Variants in EPB41 observed in about 807,000 individuals in gnomAD.
EPB41 encodes the protein protein 4.1.
Under a neutral mutation model 108.0 loss-of-function variants are expected in EPB41, and 65 were observed. The ratio of observed to expected loss-of-function variants is 0.60; its 90% CI spans 0.49 to 0.74. The LOEUF (loss-of-function observed/expected upper bound fraction) is 0.74. EPB41 is among the 30% of genes least tolerant of loss of function. The pLI, the probability that EPB41 is intolerant of heterozygous loss-of-function variation, is 0.00. For missense variants in EPB41, 875 were observed against 1,037.0 expected, an observed-to-expected ratio of 0.84 and a Z score of 2.15; for synonymous variants, 336 against 358.9, an observed-to-expected ratio of 0.94 and a Z score of 0.72.
chr1:28,923,672 T>G (rs1373342343), intron 1 of EPB41, among the ~76,000 whole-genome samples: 4 of 152,188 alleles, frequency 2.6e-5, no homozygotes, highest in Admixed American at 2.6e-4. Context: ...TGGACACTGG[T>G]TAACAAGATA....
At chr1:28,962,141 A>G (rs144990640) in intron 1 of EPB41, among the ~76,000 whole-genome samples, 167 of 151,098 alleles carry the variant, frequency 1.1e-3, no homozygotes, top group African/African-American at 3.9e-3. Context: ...GCTCACTACA[A>G]CCTCCGCCTC....
At chr1:29,105,716 A>G (rs930390541) in intron 17 of EPB41, among the ~76,000 whole-genome samples, 2 of 150,234 alleles carry the variant, frequency 1.3e-5, no homozygotes, top group African/African-American at 2.4e-5. Flanking sequence ...ATATTAATAA[A>G]GCTGCTATGA....
At chr1:29,007,446 T>C (rs546138897) in intron 4 of EPB41, among the ~76,000 whole-genome samples, 1 of 152,344 alleles carries the variant, frequency 6.6e-6, no homozygotes, top group Non-Finnish European at 1.5e-5. Context: ...TGTTCAGCTT[T>C]AGTGATACTA....
chr1:28,924,987 A>G lies in EPB41; in HGVS notation c.-8+10219A>G, dbSNP rs188934956. Among the ~76,000 whole-genome samples the G allele has an allele frequency of 6.1e-3, 840 of 137,600 alleles. 9 individuals are homozygous for G. The highest frequency in any genetic ancestry group is 0.022 in the African/African-American group (802 of 36,470). The allele number at this position is 137,600 out of a possible 152,430, so 90.3% of individuals were successfully genotyped here. A position where few individuals can be genotyped will look rare whatever the true frequency, so the allele number is the denominator to read the frequency against. ...AACTTTTTTTTTTTTTTTTTTTGAG[A>G]TGGAGTCTCGCTCTGTCACCCAGGC... On this transcript the variant is annotated intron_variant, in intron 1 of 20. Coordinates refer to ENST00000343067, the MANE Select transcript of EPB41 (RefSeq NM_001376013.1).
intron 16 of EPB41, chr1:29,072,175 A>G (rs1046971233): frequency 1.5e-4 from 23 of 152,160 alleles, no homozygotes; most frequent in African/African-American, 5.1e-4. Flanking sequence ...GTCACAGGCT[A>G]TGTCTATTTA....
chr1:28,951,743 A>G (rs919921672), intron 1 of EPB41, among the ~76,000 whole-genome samples: 1 of 152,116 alleles, frequency 6.6e-6, no homozygotes, highest in Admixed American at 6.6e-5. Flanking sequence ...GGTCCTAGCT[A>G]CTTGGGAGGC....
At chr1:28,961,807 A>G (rs1413610067) in intron 1 of EPB41, among the ~76,000 whole-genome samples, 1 of 152,222 alleles carries the variant, frequency 6.6e-6, no homozygotes, top group Non-Finnish European at 1.5e-5. Flanking sequence ...GGAGTGGAAT[A>G]AATCTTTACA....
chr1:28,979,845 T>A (rs2095693900), intron 1 of EPB41, among the ~76,000 whole-genome samples: 1 of 152,210 alleles, frequency 6.6e-6, no homozygotes, highest in Non-Finnish European at 1.5e-5. Context: ...ATTTGAAGAT[T>A]TGGCAGACTT....
intron 1 of EPB41, among the ~76,000 whole-genome samples, chr1:28,971,554 A>G (rs966264413): frequency 4.5e-4 from 69 of 152,320 alleles, no homozygotes; most frequent in African/African-American, 1.4e-3. Context: ...AGATTAGCCA[A>G]TAACAGATTA....
intron 3 of EPB41, among the ~76,000 whole-genome samples, chr1:28,996,182 G>A (rs1471754883): frequency 6.6e-6 from 1 of 152,210 alleles, no homozygotes; most frequent in African/African-American, 2.4e-5. Flanking sequence ...TGTTTAGCTA[G>A]TAAATGGAGG....
chr1:29,087,230 C>A (rs575251489), intron 16 of EPB41, among the ~76,000 whole-genome samples: 4 of 150,806 alleles, frequency 2.7e-5, no homozygotes, highest in African/African-American at 9.8e-5. Flanking sequence ...TGTGAGCCAC[C>A]GTGCCCAGCC....
At chr1:28,983,888 G>A (rs559590705) in intron 1 of EPB41, among the ~76,000 whole-genome samples, 7 of 152,264 alleles carry the variant, frequency 4.6e-5, no homozygotes, top group African/African-American at 1.4e-4. Flanking sequence ...ACAGCCTTTT[G>A]TATCTGCACA....
At chr1:28,922,197 T>G (rs567910580) in intron 1 of EPB41, among the ~76,000 whole-genome samples, 1 of 151,826 alleles carries the variant, frequency 6.6e-6, no homozygotes, top group South Asian at 2.1e-4. Context: ...TTCGAACTCC[T>G]GACCTCCTGG....
At chr1:28,990,333 TTCCC>T (rs1553220088) in intron 2 of EPB41, among the ~76,000 whole-genome samples, 159 of 127,150 alleles carry the variant, frequency 1.3e-3, no homozygotes, top group Middle Eastern at 8.5e-3. Context: ...CCTTCCTTCC[TTCCC>T]TCCCTCCCTC....
chr1:29,087,132 A>G (rs567755345), intron 16 of EPB41, among the ~76,000 whole-genome samples: 6 of 151,508 alleles, frequency 4.0e-5, no homozygotes, highest in Non-Finnish European at 5.9e-5. Context: ...TAGTAGAGAC[A>G]GGGTTTTACC....
At chr1:29,025,014 A>G (rs995347234) in intron 7 of EPB41, among the ~76,000 whole-genome samples, 1 of 152,044 alleles carries the variant, frequency 6.6e-6, no homozygotes, top group African/African-American at 2.4e-5. Flanking sequence ...GCATTTTACT[A>G]TGCATTGGAA....
At chr1:29,105,957 CCAGGCTGGTCT>C (rs1332748686) in intron 17 of EPB41, among the ~76,000 whole-genome samples, 1 of 151,960 alleles carries the variant, frequency 6.6e-6, no homozygotes, top group Non-Finnish European at 1.5e-5. Flanking sequence ...ATGATGTCGG[CCAGGCTGGTCT>C]CAAACTCCTG....
intron 17 of EPB41, among the ~76,000 whole-genome samples, chr1:29,100,936 A>G (rs1032514012): frequency 6.6e-6 from 1 of 151,312 alleles, no homozygotes; most frequent in East Asian, 1.9e-4. Context: ...CTCAAAAAAA[A>G]AAAGAGGGCC....
chr1:28,931,024 T>C (rs2093714886), intron 1 of EPB41, among the ~76,000 whole-genome samples: 1 of 151,880 alleles, frequency 6.6e-6, no homozygotes, highest in Non-Finnish European at 1.5e-5. Flanking sequence ...TAGGAAAAAA[T>C]ACAAAATTAT....
Sources: gnomAD v4.1 joint callset for allele counts (sites outside exome capture counted in the v4.1 genomes callset) on GRCh38, gnomAD v4.1.1 for gene constraint, MANE v1.5 for transcripts, NCBI Gene and HGNC (gene_info 2026-07-23, HGNC 2026-07-21) for gene names.